HIP1: variants seen among roughly 807,000 people sequenced by gnomAD.
The protein encoded by HIP1 is huntingtin-interacting protein 1.
HIP1 carries 65 observed loss-of-function variants against 147.6 expected under a neutral mutation model. The observed-to-expected ratio is 0.44, with a 90% CI of 0.36 to 0.54. The LOEUF (loss-of-function observed/expected upper bound fraction) is 0.54. Ranked by LOEUF, HIP1 falls within the 20% of genes least tolerant of loss-of-function variation. HIP1 has a pLI of 0.00. For missense variants in HIP1, 1,061 were observed against 1,299.6 expected, an observed-to-expected ratio of 0.82 and a Z score of 2.82; for synonymous variants, 479 against 504.0, an observed-to-expected ratio of 0.95 and a Z score of 0.67.
chr7:75,571,501 C>G (rs1309741936), intron 8 of HIP1, among the ~76,000 whole-genome samples: 1 of 152,206 alleles, frequency 6.6e-6, no homozygotes, highest in East Asian at 1.9e-4. Flanking sequence ...CTACACCCTT[C>G]CCTTGTACTG....
In HIP1 at chr7:75,676,295, C is replaced by T. The variant is rs367782029; in HGVS notation, c.120+62506G>A. On this transcript the variant is annotated intron_variant, in intron 1 of 30. Transcript: ENST00000336926. ...TACTCTTTGCTGAGAGGCTCTGGAT[C>T]CATGCAAACTTTCAACACCTAGCCA... 2.6e-5 allele frequency among the ~76,000 whole-genome samples: 4 copies of T among 152,280 alleles called. No individual in the cohort carries two copies. In the East Asian group the frequency reaches 7.7e-4, roughly 29 times the overall value.
intron 23 of HIP1, 150 bp downstream of exon 23, chr7:75,548,740 AG>A: frequency 1.5e-6 from 1 of 680,402 alleles, no homozygotes; most frequent in South Asian, 1.6e-5. Flanking sequence ...CTGGGGTTAC[AG>A]GCATGAGCCA....
At chr7:75,705,856 T>C (rs1219854389) in intron 1 of HIP1, among the ~76,000 whole-genome samples, 1 of 152,132 alleles carries the variant, frequency 6.6e-6, no homozygotes, top group Non-Finnish European at 1.5e-5. Flanking sequence ...AGAAGCAAAA[T>C]TGATGAATCA....
rs781941715 is a variant in HIP1, at chr7:75,558,262, T to C, written c.1376-7A>G. ...TCATTGGCTTGAGCTTTCCCTGTAT[T>C]GTAAAGGACCAAGGTGAGGAGTCTA... is the stretch of plus-strand genomic sequence containing the variant. On this transcript the variant is annotated splice_polypyrimidine_tract_variant and splice_region_variant and intron_variant, in intron 14 of 30. Transcript: ENST00000336926. The C allele has an allele frequency of 8.1e-6, 13 of 1,611,782 alleles. No homozygotes were observed. Among genetic ancestry groups the C allele is most frequent in the Non-Finnish European group, 1.0e-5 (12 of 1,177,992 alleles).
chr7:75,664,073 TACACACAC>T (rs375754868), intron 1 of HIP1, among the ~76,000 whole-genome samples: 4 of 40,704 alleles, frequency 9.8e-5, no homozygotes, highest in African/African-American at 3.7e-4. Flanking sequence ...TATGTGTATA[TACACACAC>T]ATATACACAC....
chr7:75,695,662 C>T (rs1800612360), intron 1 of HIP1, among the ~76,000 whole-genome samples: 1 of 151,962 alleles, frequency 6.6e-6, no homozygotes, highest in Admixed American at 6.6e-5. Flanking sequence ...GCAACCTCTG[C>T]CTCCTGGATT....
chr7:75,705,364 T>G (rs1800954561), intron 1 of HIP1, among the ~76,000 whole-genome samples: 4 of 152,054 alleles, frequency 2.6e-5, no homozygotes, highest in Non-Finnish European at 4.4e-5. Context: ...TCTCTACCTT[T>G]TTTTTTTTTC....
rs868978601 is a variant in HIP1, at chr7:75,556,042, T to G, written c.1811A>C (p.Lys604Thr). ...GTGACTTGCCTCTGTGCTGGCCAGT[T>G]TGAGCTGAGTGTCCTGCAGTTCTTT... is the stretch of plus-strand genomic sequence containing the variant. ...LRKELQDTQL[K>T]LASTEESMCQ... is the part of the protein sequence containing the mutation. The change falls in exon 18 of 31, where the codon AAA (lysine) becomes ACA (threonine). Residue 604 changes from lysine (K) to threonine (T), a missense_variant. Around this residue, in one of 3 missense-constraint regions of HIP1, gnomAD observed 810 missense variants for 946.8 expected, o/e 0.86. Coordinates refer to ENST00000336926, the MANE Select transcript of HIP1 (RefSeq NM_005338.7). 6 of 1,614,040 alleles carry G rather than the reference T, an allele frequency of 3.7e-6. No homozygotes were observed. The African/African-American group carries it at 5.3e-5, about 14-fold the overall frequency.
At chr7:75,680,942 A>AT (rs1214109061) in intron 1 of HIP1, among the ~76,000 whole-genome samples, 27 of 152,058 alleles carry the variant, frequency 1.8e-4, no homozygotes, top group Admixed American at 1.7e-3. Context: ...CACCTGGCTA[A>AT]TTTTTTTGTA....
chr7:75,657,851 A>G (rs1443216336), intron 1 of HIP1, among the ~76,000 whole-genome samples: 1 of 152,056 alleles, frequency 6.6e-6, no homozygotes, highest in Non-Finnish European at 1.5e-5. Flanking sequence ...CAATATATCC[A>G]TGCGACAAAC....
At chr7:75,556,277 G>A in intron 17 of HIP1, 108 bp from the exon 18 acceptor site, 1 of 1,339,736 alleles carries the variant, frequency 7.5e-7, no homozygotes, top group Non-Finnish European at 1.0e-6. Flanking sequence ...GAAGGTGATG[G>A]CTCTTTAACC....
At chr7:75,589,922 CG>C (rs1266899016) in intron 4 of HIP1, among the ~76,000 whole-genome samples, 1 of 151,394 alleles carries the variant, frequency 6.6e-6, no homozygotes, top group Admixed American at 6.6e-5. Flanking sequence ...TTAGTAGAGA[CG>C]GGGGTTTCAC....
intron 1 of HIP1, 62 bp from the exon 2 acceptor site, chr7:75,599,309 G>A: frequency 7.7e-7 from 1 of 1,297,186 alleles, no homozygotes; most frequent in Admixed American, 1.7e-5. Context: ...GAGAGTGGCT[G>A]AGACCCTCCC....
chr7:75,686,653 A>AT lies in HIP1; in HGVS notation c.120+52147dup, dbSNP rs200565397. On this transcript the variant is annotated intron_variant, in intron 1 of 30. Coordinates refer to ENST00000336926, the MANE Select transcript of HIP1 (RefSeq NM_005338.7). ...CCATTTATTTTCCTTCTCTTTTCTC[A>AT]TTTTTTTTTTGTTGTTGTTTGTTTT... 2.9e-3 allele frequency among the ~76,000 whole-genome samples: 424 copies of AT among 146,722 alleles called. 1 individual carries two copies. The highest frequency in any genetic ancestry group is 9.4e-3 in the East Asian group (47 of 5,024).
intron 4 of HIP1, among the ~76,000 whole-genome samples, chr7:75,591,409 G>T (rs888817433): frequency 1.3e-5 from 2 of 152,080 alleles, no homozygotes; most frequent in African/African-American, 4.8e-5. Context: ...GGTGATTGTG[G>T]TGTGTGTACA....
intron 1 of HIP1, among the ~76,000 whole-genome samples, chr7:75,680,145 C>A (rs1280847903): frequency 6.6e-6 from 1 of 152,160 alleles, no homozygotes; most frequent in African/African-American, 2.4e-5. Flanking sequence ...TGGGTTCAAG[C>A]AATTCTCGTG....
chr7:75,651,207 C>G (rs1798970250), intron 1 of HIP1, among the ~76,000 whole-genome samples: 1 of 151,898 alleles, frequency 6.6e-6, no homozygotes, highest in Non-Finnish European at 1.5e-5. Flanking sequence ...CACCTGTAAT[C>G]CCAGCACTTT....
chr7:75,578,295 C>A (rs587597770), intron 7 of HIP1, among the ~76,000 whole-genome samples: 2 of 152,270 alleles, frequency 1.3e-5, no homozygotes, highest in South Asian at 4.1e-4. Context: ...TTGTGTCAGC[C>A]GAACTGCAAC....
chr7:75,559,999 T>C (rs1584797902), intron 13 of HIP1, 84 bp from the exon 14 acceptor site: 1 of 1,339,360 alleles, frequency 7.5e-7, no homozygotes, highest in South Asian at 1.5e-5. Context: ...CCTACCATGC[T>C]TCCAAGTAAA....
Sources: allele counts gnomAD v4.1 joint callset (sites outside exome capture counted in the v4.1 genomes callset), GRCh38; gene constraint gnomAD v4.1.1; regional missense constraint gnomAD v4.1.1; transcripts MANE v1.5; gene names NCBI Gene and HGNC (gene_info 2026-07-23, HGNC 2026-07-21).